The following SMAD2 variants were observed in gnomAD, a reference collection of about 807,000 sequenced individuals.
SMAD2 encodes the protein SMAD family member 2.
SMAD2 carries 8 observed loss-of-function variants against 64.4 expected under a neutral mutation model. That is an observed-to-expected ratio of 0.12 (90% CI 0.07 to 0.22). The LOEUF is 0.22. SMAD2 is among the 10% of genes least tolerant of loss of function. SMAD2 has a pLI of 1.00. For missense variants in SMAD2, 289 were observed against 561.2 expected (o/e 0.51, Z 4.90); for synonymous variants, 203 against 195.8 (o/e 1.04, Z -0.31).
At chr18:47,900,505 T>A (rs1384671531) in intron 1 of SMAD2, among the ~76,000 whole-genome samples, 1 of 152,142 alleles carries the variant, frequency 6.6e-6, no homozygotes, top group Non-Finnish European at 1.5e-5. Context: ...CCCCTCCCCA[T>A]CCTCCTTTTA....
rs1269415896 is a variant in SMAD2 at position 47,820,066 on chromosome 18, T to A, written c.*21761A>T. On this transcript the variant is annotated 3_prime_UTR_variant, in exon 11 of 11. Transcript: ENST00000262160. ...AAATAGGATGTTAATGAACTTTTCA[T>A]GTAATTTGAAATCTTATAAATTAAT... The A allele has an allele frequency of 6.6e-6, 1 of 152,172 alleles. No individual in the cohort carries two copies. Among genetic ancestry groups the A allele is most frequent in the Non-Finnish European group, 1.5e-5 (1 of 68,030 alleles). 9.4% of individuals were successfully genotyped at this position (152,172 alleles called of 1,614,324 possible). A position where few individuals can be genotyped will look rare whatever the true frequency, so the allele number is the denominator to read the frequency against.
Position 47,824,270 on chromosome 18 carries a change from G to A in SMAD2, c.*17557C>T, listed in dbSNP as rs1276170932. On this transcript the variant is annotated 3_prime_UTR_variant, in exon 11 of 11. Coordinates refer to ENST00000262160, the MANE Select transcript of SMAD2 (RefSeq NM_005901.6). ...GAGCCAGGGAAGTCCATGAAGAGAG[G>A]GATTTTACGCACTACCTCAAAGACC... 6.6e-6 allele frequency: 1 copy of A among 152,110 alleles called. No homozygotes were observed. The highest frequency in any genetic ancestry group is 2.4e-5 in the African/African-American group (1 of 41,410). 9.4% of individuals were successfully genotyped at this position (152,110 alleles called of 1,614,324 possible). A position where few individuals can be genotyped will look rare whatever the true frequency, so the allele number is the denominator to read the frequency against.
In SMAD2 at chr18:47,812,373, T is replaced by C. The variant is rs974052243; in HGVS notation, c.*29454A>G. 1 of 152,206 alleles carries C rather than the reference T, an allele frequency of 6.6e-6. No homozygotes were observed. Among genetic ancestry groups the C allele is most frequent in the Non-Finnish European group, 1.5e-5 (1 of 68,060 alleles). The allele number at this position is 152,206 out of a possible 1,614,324, so 9.4% of individuals were successfully genotyped here. ...AAACTGTGAGTCAATTAAACCTCTT[T>C]TATAAATTACCCAGTCTCCGGTATC... On this transcript the variant is annotated 3_prime_UTR_variant, in exon 11 of 11. Coordinates refer to ENST00000262160, the MANE Select transcript of SMAD2 (RefSeq NM_005901.6).
chr18:47,873,956 C>T (rs1360092928), intron 2 of SMAD2, among the ~76,000 whole-genome samples: 1 of 151,772 alleles, frequency 6.6e-6, no homozygotes, highest in African/African-American at 2.4e-5. Flanking sequence ...GGAAGATACC[C>T]TGTAAAGAAA....
intron 2 of SMAD2, among the ~76,000 whole-genome samples, chr18:47,879,874 G>T (rs1040781082): frequency 3.9e-5 from 6 of 152,016 alleles, no homozygotes; most frequent in African/African-American, 1.5e-4. Flanking sequence ...TAAATTATAG[G>T]TAGTCTGATG....
At chr18:47,849,817 G>C (rs1435067815) in intron 7 of SMAD2, among the ~76,000 whole-genome samples, 3 of 152,010 alleles carry the variant, frequency 2.0e-5, no homozygotes, top group South Asian at 4.2e-4. Context: ...AGACCAGCCT[G>C]GGCAACATAG....
rs2144290334 is a variant in SMAD2 at position 47,845,713 on chromosome 18, C to G, written c.1085G>C (p.Cys362Ser). The change falls in exon 9 of 11, where the codon TGT becomes TCT. Residue 362 changes from cysteine to serine, a missense_variant. By Grantham distance (112) the Cys-to-Ser change is moderately radical (BLOSUM62 -1). Coordinates refer to ENST00000262160, the MANE Select transcript of SMAD2 (RefSeq NM_005901.6). ...DSAIFVQSPN[C>S]NQRYGWHPAT... Reference sequence around the variant, plus strand: ...AGGGTGCCAGCCATATCTCTGATTACAATTGGGGCTCTGCACAAAGATTGC... The same window carrying G: ...AGGGTGCCAGCCATATCTCTGATTAGAATTGGGGCTCTGCACAAAGATTGC... 1 of 1,613,846 alleles carries G rather than the reference C, an allele frequency of 6.2e-7. No individual in the cohort carries two copies. The highest frequency in any genetic ancestry group is 8.5e-7 in the Non-Finnish European group (1 of 1,179,846).
rs528111350 is a variant in SMAD2, at chr18:47,819,444, G to A, written c.*22383C>T. Reference sequence around the variant, plus strand: ...CACAGGTAATAAAAATGGTTAACAGGAAAATAACTTGAAATGACTAGCTAT... The same window carrying A: ...CACAGGTAATAAAAATGGTTAACAGAAAAATAACTTGAAATGACTAGCTAT... On this transcript the variant is annotated 3_prime_UTR_variant, in exon 11 of 11. Coordinates refer to ENST00000262160, the MANE Select transcript of SMAD2 (RefSeq NM_005901.6). 5 of 152,254 alleles carry A rather than the reference G, an allele frequency of 3.3e-5. No individual in the cohort carries two copies. Among genetic ancestry groups the A allele is most frequent in the South Asian group, 2.1e-4 (1 of 4,810 alleles). The allele number at this position is 152,254 out of a possible 1,614,324, so 9.4% of individuals were successfully genotyped here. A position where few individuals can be genotyped will look rare whatever the true frequency, so the allele number is the denominator to read the frequency against.
At chr18:47,917,523 A>G (rs1385878727) in intron 1 of SMAD2, among the ~76,000 whole-genome samples, 1 of 151,758 alleles carries the variant, frequency 6.6e-6, no homozygotes, top group Admixed American at 6.6e-5. Context: ...ATACCTATGC[A>G]TTTTTCTTTT....
intron 7 of SMAD2, among the ~76,000 whole-genome samples, chr18:47,849,149 G>A (rs1598753065): frequency 6.6e-6 from 1 of 152,128 alleles, no homozygotes; most frequent in East Asian, 1.9e-4. Context: ...TACAAAATAT[G>A]ACATATTTTT....
chr18:47,852,974 G>T (rs2030270822), intron 6 of SMAD2, among the ~76,000 whole-genome samples: 1 of 152,008 alleles, frequency 6.6e-6, no homozygotes, highest in African/African-American at 2.4e-5. Context: ...TACACGTTTA[G>T]GCACAGTTAC....
intron 1 of SMAD2, among the ~76,000 whole-genome samples, chr18:47,927,316 T>A (rs2034805254): frequency 1.2e-5 from 1 of 85,978 alleles, no homozygotes; most frequent in South Asian, 3.9e-4. Context: ...CCAGTGACAC[T>A]GAGTAACACT....
chr18:47,820,859 G>C lies in SMAD2; in HGVS notation c.*20968C>G, dbSNP rs1470235290. The C allele has an allele frequency of 6.8e-6, 1 of 147,846 alleles. No individual in the cohort carries two copies. Among genetic ancestry groups the C allele is most frequent in the South Asian group, 2.1e-4 (1 of 4,706 alleles). 9.2% of individuals were successfully genotyped at this position (147,846 alleles called of 1,614,324 possible). On this transcript the variant is annotated 3_prime_UTR_variant, in exon 11 of 11. Transcript: ENST00000262160. ...TATTCTATACATATGCTATATATTTGTATATACACGATAGTGTAAATGCTA... is the reference window on the plus strand; with the variant it reads ...TATTCTATACATATGCTATATATTTCTATATACACGATAGTGTAAATGCTA...
chr18:47,814,116 G>A lies in SMAD2; in HGVS notation c.*27711C>T, dbSNP rs1197349993. On this transcript the variant is annotated 3_prime_UTR_variant, in exon 11 of 11. Coordinates refer to ENST00000262160, the MANE Select transcript of SMAD2 (RefSeq NM_005901.6). ...AAAGGCACTGAAGCAAGAGAGTCTG[G>A]GGCAAGAATGTCTCTATTGGGTCAA... 1.3e-5 allele frequency: 2 copies of A among 152,104 alleles called. No homozygotes were observed. Among genetic ancestry groups the A allele is most frequent in the East Asian group, 3.9e-4 (2 of 5,194 alleles). 9.4% of individuals were successfully genotyped at this position (152,104 alleles called of 1,614,324 possible).
intron 10 of SMAD2, chr18:47,845,021 A>G: frequency 1.8e-6 from 1 of 554,390 alleles, no homozygotes; most frequent in South Asian, 2.5e-5. Flanking sequence ...TGTGCCATCA[A>G]GTTTTCCTTG....
chr18:47,909,489 T>C (rs959307987), intron 1 of SMAD2, among the ~76,000 whole-genome samples: 4 of 152,184 alleles, frequency 2.6e-5, no homozygotes, highest in African/African-American at 9.7e-5. Flanking sequence ...GCGCAAGTGC[T>C]GTATTCTAGG....
At chr18:47,892,317 A>G (rs2033235269) in intron 2 of SMAD2, among the ~76,000 whole-genome samples, 1 of 151,262 alleles carries the variant, frequency 6.6e-6, no homozygotes, top group African/African-American at 2.4e-5. Context: ...CTCCTGCCTC[A>G]GCCTCCCGAG....
chr18:47,839,325 C>T lies in SMAD2; in HGVS notation c.*2502G>A, dbSNP rs1427121146. 2 of 233,330 alleles carry T rather than the reference C, an allele frequency of 8.6e-6. No individual in the cohort carries two copies. The highest frequency in any genetic ancestry group is 8.5e-6 in the Non-Finnish European group (1 of 118,054). 14.5% of individuals were successfully genotyped at this position (233,330 alleles called of 1,614,324 possible). Reference sequence around the variant, plus strand: ...CTTCTACCACTTTCAGAGTTGTTTTCTGCCCCTACAACTGTTCCCTAACAC... The same window carrying T: ...CTTCTACCACTTTCAGAGTTGTTTTTTGCCCCTACAACTGTTCCCTAACAC... On this transcript the variant is annotated 3_prime_UTR_variant, in exon 11 of 11. Coordinates refer to ENST00000262160, the MANE Select transcript of SMAD2 (RefSeq NM_005901.6).
In SMAD2 at chr18:47,819,032, T is replaced by G. The variant is rs1912472206; in HGVS notation, c.*22795A>C. On this transcript the variant is annotated 3_prime_UTR_variant, in exon 11 of 11. Coordinates refer to ENST00000262160, the MANE Select transcript of SMAD2 (RefSeq NM_005901.6). ...ATATATGTTGTATGTTGTGTCTACG[T>G]GGTAAAATCTGGCAGTTGGCCACAA... 6.6e-6 allele frequency: 1 copy of G among 152,266 alleles called. No individual in the cohort carries two copies. The highest frequency in any genetic ancestry group is 6.5e-5 in the Admixed American group (1 of 15,286). The allele number at this position is 152,266 out of a possible 1,614,324, so 9.4% of individuals were successfully genotyped here. A position where few individuals can be genotyped will look rare whatever the true frequency, so the allele number is the denominator to read the frequency against.
Sources: allele counts gnomAD v4.1 joint callset (sites outside exome capture counted in the v4.1 genomes callset), GRCh38; gene constraint gnomAD v4.1.1; transcripts MANE v1.5; gene names NCBI Gene and HGNC (gene_info 2026-07-23, HGNC 2026-07-21).